Variants in HEMK2 observed in about 807,000 individuals in gnomAD.
HEMK2 encodes the protein HemK methyltransferase 2, ETF1 glutamine and histone H4 lysine, also known as methyltransferase HEMK2.
the HEMK2 span, among the ~76,000 whole-genome samples, chr21:28,818,287 T>G: frequency 1.3e-5 from 2 of 152,200 alleles, no homozygotes; most frequent in Non-Finnish European, 2.9e-5. Flanking sequence ...TTTGGGACTC[T>G]TGGACCTTTG....
At chr21:28,697,940 G>A in the HEMK2 span, among the ~76,000 whole-genome samples, 1 of 152,106 alleles carries the variant, frequency 6.6e-6, no homozygotes, top group Non-Finnish European at 1.5e-5. Flanking sequence ...TCCAAGATCA[G>A]GGCAGATTCA....
the HEMK2 span, among the ~76,000 whole-genome samples, chr21:28,767,251 A>G: frequency 6.6e-6 from 1 of 151,986 alleles, no homozygotes; most frequent in Admixed American, 6.6e-5. Context: ...CGTAAGTCCA[A>G]TTAAACCTCT....
chr21:28,745,712 A>G, the HEMK2 span, among the ~76,000 whole-genome samples: 1 of 152,036 alleles, frequency 6.6e-6, no homozygotes, highest in African/African-American at 2.4e-5. Context: ...TTTGCATTTG[A>G]GCAGCTTCCC....
the HEMK2 span, among the ~76,000 whole-genome samples, chr21:28,879,359 C>G: frequency 6.6e-6 from 1 of 152,164 alleles, no homozygotes; most frequent in South Asian, 2.1e-4. Flanking sequence ...TCTCCTGCCT[C>G]AGTCTCCAAA....
chr21:28,877,745 GA>G, the HEMK2 span, among the ~76,000 whole-genome samples: 1 of 151,954 alleles, frequency 6.6e-6, no homozygotes. Context: ...AAAAAGAGAG[GA>G]AAGATTATGG....
chr21:28,779,358 C>T, the HEMK2 span, among the ~76,000 whole-genome samples: 20 of 152,030 alleles, frequency 1.3e-4, no homozygotes, highest in Admixed American at 2.0e-4. Flanking sequence ...GTGAAATAAG[C>T]CAGGAATAGA....
the HEMK2 span, among the ~76,000 whole-genome samples, chr21:28,629,416 C>T: frequency 6.6e-6 from 1 of 152,134 alleles, no homozygotes; most frequent in African/African-American, 2.4e-5. Context: ...CAACCCAGAT[C>T]CTACACATCA....
the HEMK2 span, among the ~76,000 whole-genome samples, chr21:28,866,689 C>T: frequency 7.9e-5 from 12 of 151,504 alleles, no homozygotes; most frequent in South Asian, 1.3e-3. Context: ...GCCAAAATTG[C>T]GCTACTGCAC....
the HEMK2 span, among the ~76,000 whole-genome samples, chr21:28,696,994 C>A: frequency 7.3e-6 from 1 of 137,006 alleles, no homozygotes; most frequent in Non-Finnish European, 1.5e-5. Context: ...GAGCCCTGGA[C>A]CTGGCCAAGG....
the HEMK2 span, among the ~76,000 whole-genome samples, chr21:28,812,832 AG>A: frequency 6.6e-6 from 1 of 152,134 alleles, no homozygotes; most frequent in African/African-American, 2.4e-5. Context: ...TGGTCTATTT[AG>A]GGATTAGATT....
the HEMK2 span, among the ~76,000 whole-genome samples, chr21:28,842,405 C>T: frequency 1.4e-4 from 22 of 152,274 alleles, no homozygotes; most frequent in South Asian, 1.7e-3. Context: ...TGTATTTCTA[C>T]TGAACACATG....
At chr21:28,729,993 C>T in the HEMK2 span, among the ~76,000 whole-genome samples, 1 of 152,124 alleles carries the variant, frequency 6.6e-6, no homozygotes, top group African/African-American at 2.4e-5. Flanking sequence ...AAAGGGCTTC[C>T]TCAGACTGAA....
chr21:28,726,089 CAAT>C, the HEMK2 span, among the ~76,000 whole-genome samples: 93 of 152,100 alleles, frequency 6.1e-4, no homozygotes, highest in Middle Eastern at 6.8e-3. Context: ...TATTCTAATA[CAAT>C]AATATACTTG....
chr21:28,742,627 T>A, the HEMK2 span, among the ~76,000 whole-genome samples: 1 of 151,478 alleles, frequency 6.6e-6, no homozygotes, highest in Non-Finnish European at 1.5e-5. Flanking sequence ...CAAGTTTTAA[T>A]CATAAATGAT....
the HEMK2 span, among the ~76,000 whole-genome samples, chr21:28,625,601 C>A: frequency 6.6e-6 from 1 of 152,076 alleles, no homozygotes; most frequent in Non-Finnish European, 1.5e-5. Flanking sequence ...ATCTCAGCTA[C>A]TCCAGAGGCT....
chr21:28,631,139 A>T, the HEMK2 span, among the ~76,000 whole-genome samples: 5 of 152,156 alleles, frequency 3.3e-5, no homozygotes, highest in Non-Finnish European at 7.3e-5. Context: ...ATTTTGATCC[A>T]AAGCTCTCCC....
chr21:28,645,199 T>A, the HEMK2 span, among the ~76,000 whole-genome samples: 1 of 152,218 alleles, frequency 6.6e-6, no homozygotes, highest in Admixed American at 6.5e-5. Flanking sequence ...ACTGTCCTTT[T>A]ACTAACTGCA....
the HEMK2 span, among the ~76,000 whole-genome samples, chr21:28,621,932 G>A: frequency 1.3e-4 from 20 of 152,116 alleles, no homozygotes; most frequent in Non-Finnish European, 2.1e-4. Context: ...ATTATGTAAC[G>A]CCCTTCTTCG....
chr21:28,802,675 G>A, the HEMK2 span, among the ~76,000 whole-genome samples: 1 of 152,208 alleles, frequency 6.6e-6, no homozygotes, highest in Non-Finnish European at 1.5e-5. Context: ...AAGTTGCAGT[G>A]AGCTGAGATA....
Sources: allele counts gnomAD v4.1 joint callset (sites outside exome capture counted in the v4.1 genomes callset), GRCh38; gene constraint gnomAD v4.1.1; transcripts MANE v1.5; gene names NCBI Gene and HGNC (gene_info 2026-07-23, HGNC 2026-07-21).